GPC6: variants seen among roughly 807,000 people sequenced by gnomAD.
GPC6 encodes glypican-6.
In GPC6, 14 loss-of-function variants were observed where a neutral mutation model predicts 55.2. The ratio of observed to expected loss-of-function variants is 0.25; its 90% confidence interval spans 0.17 to 0.40. The LOEUF is 0.40. Ranked by LOEUF, GPC6 falls within the 10% of genes least tolerant of loss-of-function variation. The pLI is 1.00. For synonymous variants in GPC6, 278 were observed against 259.6 expected (o/e 1.07, Z -0.68); for missense variants, 641 against 708.5 (o/e 0.90, Z 1.08).
chr13:93,737,884 C>G (rs1341823750), intron 2 of GPC6, among the ~76,000 whole-genome samples: 1 of 152,024 alleles, frequency 6.6e-6, no homozygotes, highest in Non-Finnish European at 1.5e-5. Context: ...CCTTAATAAT[C>G]AAGCAGAAGT....
At chr13:93,646,641 C>A (rs1464239328) in intron 2 of GPC6, among the ~76,000 whole-genome samples, 1 of 152,006 alleles carries the variant, frequency 6.6e-6, no homozygotes, top group East Asian at 1.9e-4. Flanking sequence ...TCCTTAAGTT[C>A]TTTTCTGTTT....
At chr13:93,536,422 A>G (rs118090023) in intron 1 of GPC6, among the ~76,000 whole-genome samples, 1 of 151,978 alleles carries the variant, frequency 6.6e-6, no homozygotes, top group Non-Finnish European at 1.5e-5. Flanking sequence ...CCAGGTAACC[A>G]CCATTCTACT....
At chr13:94,215,161 T>G (rs1440926637) in intron 4 of GPC6, among the ~76,000 whole-genome samples, 1 of 152,220 alleles carries the variant, frequency 6.6e-6, no homozygotes, top group Non-Finnish European at 1.5e-5. Context: ...TATGAACTAT[T>G]ATGCAAAGTA....
At chr13:93,767,892 C>T (rs1885172636) in intron 2 of GPC6, among the ~76,000 whole-genome samples, 1 of 152,110 alleles carries the variant, frequency 6.6e-6, no homozygotes, top group East Asian at 1.9e-4. Context: ...AACGTTAACT[C>T]ATCTTCAAGC....
rs541688406 is a variant in GPC6 at position 93,618,386 on chromosome 13, T to C, written c.319+72965T>C. ...AACTGTACACCTACTTCTGCCCTAG[T>C]ATGAATTTTTCAATGAAATCAGTGA... is the stretch of plus-strand genomic sequence containing the variant. On this transcript the variant is annotated intron_variant, in intron 2 of 8. Transcript: ENST00000377047. Among the ~76,000 whole-genome samples, 82 of 152,234 alleles carry C rather than the reference T, an allele frequency of 5.4e-4. 1 individual carries two copies. The South Asian group carries it at 0.017, about 31-fold the overall frequency.
At chr13:93,366,158 G>A (rs957704201) in intron 1 of GPC6, among the ~76,000 whole-genome samples, 11 of 151,936 alleles carry the variant, frequency 7.2e-5, no homozygotes, top group Admixed American at 7.2e-4. Flanking sequence ...TATATCTCAG[G>A]TTTTCTTTAA....
intron 3 of GPC6, among the ~76,000 whole-genome samples, chr13:94,000,896 A>G (rs919949489): frequency 1.3e-5 from 2 of 152,066 alleles, no homozygotes; most frequent in African/African-American, 4.8e-5. Flanking sequence ...GCAGAAGGGG[A>G]CTTACTAAGG....
intron 3 of GPC6, among the ~76,000 whole-genome samples, chr13:93,881,294 G>A (rs1874959166): frequency 6.6e-6 from 1 of 152,082 alleles, no homozygotes; most frequent in Admixed American, 6.6e-5. Flanking sequence ...TATTTGCAGT[G>A]ATAGGTGTTT....
Position 93,519,744 on chromosome 13 carries a change from T to C in GPC6, c.161-25519T>C, listed in dbSNP as rs912979555. 2.0e-5 allele frequency among the ~76,000 whole-genome samples: 3 copies of C among 151,940 alleles called. No homozygotes were observed. The South Asian group carries it at 6.2e-4, about 31-fold the overall frequency. ...ATAGAGCCTAAATAGATGAGGCTCT[T>C]TCATGCCTGGCTCAGACTGTAATTA... On this transcript the variant is annotated intron_variant, in intron 1 of 8. Transcript: ENST00000377047.
intron 2 of GPC6, among the ~76,000 whole-genome samples, chr13:93,747,173 G>A (rs1884424898): frequency 6.6e-6 from 1 of 152,122 alleles, no homozygotes; most frequent in South Asian, 2.1e-4. Flanking sequence ...CCAAAGGGAG[G>A]TAGAAGAAGA....
chr13:93,407,872 C>T (rs549846260), intron 1 of GPC6, among the ~76,000 whole-genome samples: 1 of 152,202 alleles, frequency 6.6e-6, no homozygotes, highest in East Asian at 1.9e-4. Context: ...TTCCTAACTG[C>T]AAAGGGTGGT....
At chr13:93,429,150 T>G (rs1481951177) in intron 1 of GPC6, among the ~76,000 whole-genome samples, 10 of 152,166 alleles carry the variant, frequency 6.6e-5, no homozygotes, top group Non-Finnish European at 1.5e-4. Context: ...ACCTGAATTT[T>G]TTTATTCTGC....
intron 2 of GPC6, among the ~76,000 whole-genome samples, chr13:93,552,373 G>A (rs1202541651): frequency 6.6e-6 from 1 of 152,112 alleles, no homozygotes; most frequent in East Asian, 1.9e-4. Context: ...GATCCTGGTA[G>A]GGGGTCCTTT....
chr13:94,342,747 G>A (rs574956278), intron 6 of GPC6, among the ~76,000 whole-genome samples: 28 of 152,064 alleles, frequency 1.8e-4, no homozygotes, highest in Non-Finnish European at 3.7e-4. Context: ...CCTCAGTGTT[G>A]GGAACTTTAT....
chr13:93,233,433 G>T (rs1876129602), intron 1 of GPC6, among the ~76,000 whole-genome samples: 1 of 151,764 alleles, frequency 6.6e-6, no homozygotes, highest in South Asian at 2.1e-4. Context: ...TTTCTTCTAG[G>T]CATTTTTTTC....
intron 1 of GPC6, among the ~76,000 whole-genome samples, chr13:93,283,334 AAAAC>A (rs1389900430): frequency 6.6e-6 from 1 of 152,214 alleles, no homozygotes; most frequent in African/African-American, 2.4e-5. Context: ...GCGGTTGAGA[AAAAC>A]AAAATGTTAA....
At chr13:94,276,666 A>T (rs1892219391) in intron 4 of GPC6, among the ~76,000 whole-genome samples, 1 of 151,782 alleles carries the variant, frequency 6.6e-6, no homozygotes, top group African/African-American at 2.4e-5. Context: ...TTCAACTCCC[A>T]CCTATGAGTG....
intron 1 of GPC6, among the ~76,000 whole-genome samples, chr13:93,270,803 C>T (rs967040019): frequency 6.7e-6 from 1 of 150,102 alleles, no homozygotes; most frequent in Non-Finnish European, 1.5e-5. Flanking sequence ...TCAACAACAA[C>T]ACTGCCTCTC....
chr13:93,904,933 C>G (rs891320961), intron 3 of GPC6, among the ~76,000 whole-genome samples: 3 of 129,788 alleles, frequency 2.3e-5, no homozygotes, highest in African/African-American at 8.6e-5. Flanking sequence ...CCCCTCCCCC[C>G]ACCCCACAAC....
Sources: gnomAD v4.1 joint callset for allele counts (sites outside exome capture counted in the v4.1 genomes callset) on GRCh38, gnomAD v4.1.1 for gene constraint, MANE v1.5 for transcripts, NCBI Gene and HGNC (gene_info 2026-07-23, HGNC 2026-07-21) for gene names.